ATRNL1: variants seen among roughly 807,000 people sequenced by gnomAD.
ATRNL1 encodes the protein attractin like 1.
A neutral mutation model predicts 182.7 loss-of-function variants in ATRNL1; 95 were observed. The observed-to-expected ratio is 0.52, with a 90% confidence interval of 0.44 to 0.62. The LOEUF is 0.62. ATRNL1 is among the 20% of genes least tolerant of loss of function. The pLI, the probability that ATRNL1 is intolerant of heterozygous loss-of-function variation, is 0.00. For missense variants in ATRNL1, 1,471 were observed against 1,679.5 expected, an observed-to-expected ratio of 0.88 and a Z score of 2.17; for synonymous variants, 576 against 568.3, an observed-to-expected ratio of 1.01 and a Z score of -0.19.
At chr10:115,444,706 T>C (rs1189082708) in intron 21 of ATRNL1, among the ~76,000 whole-genome samples, 3 of 151,836 alleles carry the variant, frequency 2.0e-5, no homozygotes, top group African/African-American at 7.3e-5. Context: ...TACCTGAAAT[T>C]ATTTTATTTT....
intron 26 of ATRNL1, among the ~76,000 whole-genome samples, chr10:115,567,179 T>C (rs1389068446): frequency 8.5e-5 from 13 of 152,162 alleles, no homozygotes; most frequent in African/African-American, 3.1e-4. Flanking sequence ...TAGAATCTTA[T>C]GGTAGCTGTG....
intron 26 of ATRNL1, among the ~76,000 whole-genome samples, chr10:115,630,728 A>G (rs1555026030): frequency 6.8e-6 from 1 of 147,804 alleles, no homozygotes; most frequent in Non-Finnish European, 1.5e-5. Context: ...TATTTAATAG[A>G]TATCATATAT....
At chr10:115,130,075 ATATC>A (rs1750811569) in intron 5 of ATRNL1, among the ~76,000 whole-genome samples, 1 of 152,172 alleles carries the variant, frequency 6.6e-6, no homozygotes, top group African/African-American at 2.4e-5. Flanking sequence ...ATTTTTATAA[ATATC>A]TATCATCAAA....
chr10:115,523,872 A>G (rs1554985892), intron 25 of ATRNL1, among the ~76,000 whole-genome samples: 1 of 152,098 alleles, frequency 6.6e-6, no homozygotes, highest in Admixed American at 6.6e-5. Context: ...CCTGGCACCA[A>G]TTTTCTGTCT....
At chr10:115,669,504 A>G (rs1253419902) in intron 26 of ATRNL1, among the ~76,000 whole-genome samples, 1 of 152,102 alleles carries the variant, frequency 6.6e-6, no homozygotes, top group Admixed American at 6.6e-5. Context: ...CTGACATTCT[A>G]TGTTCAGATT....
At chr10:115,470,631 A>C (rs576743900) in intron 24 of ATRNL1, among the ~76,000 whole-genome samples, 129 of 150,708 alleles carry the variant, frequency 8.6e-4, no homozygotes, top group African/African-American at 3.0e-3. Context: ...AAAATTACAT[A>C]GTTATTTTAG....
intron 28 of ATRNL1, among the ~76,000 whole-genome samples, chr10:115,894,270 C>G (rs1218972144): frequency 6.6e-6 from 1 of 152,214 alleles, no homozygotes; most frequent in Non-Finnish European, 1.5e-5. Flanking sequence ...CAATTAATGA[C>G]TGCAGCCGAA....
At chr10:115,199,394 A>G (rs1592246354) in intron 8 of ATRNL1, among the ~76,000 whole-genome samples, 1 of 151,844 alleles carries the variant, frequency 6.6e-6, no homozygotes, top group Non-Finnish European at 1.5e-5. Flanking sequence ...GTGAAACCCC[A>G]TCTCTACTAA....
intron 27 of ATRNL1, among the ~76,000 whole-genome samples, chr10:115,738,673 G>A (rs538296419): frequency 6.6e-6 from 1 of 152,008 alleles, no homozygotes. Context: ...AACATCGTGA[G>A]TTTCATGATT....
intron 27 of ATRNL1, among the ~76,000 whole-genome samples, chr10:115,797,435 G>T (rs1047631790): frequency 2.0e-5 from 3 of 152,102 alleles, no homozygotes; most frequent in Admixed American, 1.3e-4. Context: ...GGCACCTGAA[G>T]GCTCACCTGG....
chr10:115,388,437 A>C (rs73365415), intron 19 of ATRNL1, among the ~76,000 whole-genome samples: 1,751 of 152,184 alleles, frequency 0.012, 27 homozygotes, highest in African/African-American at 0.04. Flanking sequence ...TTTAATTGAT[A>C]CCAGGTTTGT....
intron 27 of ATRNL1, among the ~76,000 whole-genome samples, chr10:115,807,198 C>T (rs543759470): frequency 1.3e-5 from 2 of 151,680 alleles, no homozygotes; most frequent in East Asian, 3.9e-4. Flanking sequence ...TCACTGCAAA[C>T]TCTGCCTTCT....
At chr10:115,600,053 C>T (rs1176405608) in intron 26 of ATRNL1, among the ~76,000 whole-genome samples, 1 of 152,052 alleles carries the variant, frequency 6.6e-6, no homozygotes, top group Non-Finnish European at 1.5e-5. Flanking sequence ...TTGTCTTTCC[C>T]AGAGTTTCAT....
rs1353341897 is a variant in ATRNL1, at chr10:115,375,018, GT to G, written c.3176-19631del. Among the ~76,000 whole-genome samples, 875 of 145,388 alleles carry G rather than the reference GT, an allele frequency of 6.0e-3. 6 individuals are homozygous for G. Among genetic ancestry groups the G allele is most frequent in the African/African-American group, 0.02 (813 of 39,794 alleles). On this transcript the variant is annotated intron_variant, in intron 19 of 28. Coordinates refer to ENST00000355044, the MANE Select transcript of ATRNL1 (RefSeq NM_207303.4). Reference sequence around the variant, plus strand: ...TAAAGTGTAGGTCAAATCCAATGTTGTTTTTTTTTTAATAGACATTTTATCT... The same window carrying G: ...TAAAGTGTAGGTCAAATCCAATGTTGTTTTTTTTTAATAGACATTTTATCT...
intron 27 of ATRNL1, among the ~76,000 whole-genome samples, chr10:115,814,474 G>A (rs1589543092): frequency 6.6e-6 from 1 of 152,174 alleles, no homozygotes; most frequent in Non-Finnish European, 1.5e-5. Flanking sequence ...GAAAGCAAAA[G>A]TTTAAATTTT....
rs1554910203 is a variant in ATRNL1, at chr10:115,265,267, G to C, written c.1762G>C (p.Val588Leu). The C allele has an allele frequency of 2.5e-6, 4 of 1,599,078 alleles. No individual in the cohort carries two copies. The highest frequency in any genetic ancestry group is 1.7e-5 in the Admixed American group (1 of 58,998). ...DVNRFGHSAV[V>L]INGSMYIFGG... Reference sequence around the variant, plus strand: ...CAACAGATTTGGACACTCTGCAGTAGTCATTAACGGGTAAAAGAAGCACAT... The same window carrying C: ...CAACAGATTTGGACACTCTGCAGTACTCATTAACGGGTAAAAGAAGCACAT... The change falls in exon 11 of 29, where the codon GTC becomes CTC. Residue 588 changes from valine (V) to leucine (L), a missense_variant. Val to Leu is a conservative substitution (Grantham distance 32). Transcript: ENST00000355044.
intron 13 of ATRNL1, 83 bp downstream of exon 13, chr10:115,268,527 A>G (rs1379865375): frequency 9.4e-6 from 9 of 959,554 alleles, no homozygotes; most frequent in African/African-American, 1.6e-5. Context: ...GTAGCACTGT[A>G]GAAAAAAAGC....
At chr10:115,721,569 A>G (rs1315818774) in intron 26 of ATRNL1, among the ~76,000 whole-genome samples, 1 of 152,138 alleles carries the variant, frequency 6.6e-6, no homozygotes, top group African/African-American at 2.4e-5. Context: ...AAGAATCAGA[A>G]GCAGAAACCC....
intron 26 of ATRNL1, among the ~76,000 whole-genome samples, chr10:115,704,810 T>G (rs1401446754): frequency 6.6e-6 from 1 of 151,888 alleles, no homozygotes; most frequent in Non-Finnish European, 1.5e-5. Flanking sequence ...GAAATATTGG[T>G]GTCTTTCCAT....
Sources: gnomAD v4.1 joint callset for allele counts (sites outside exome capture counted in the v4.1 genomes callset) on GRCh38, gnomAD v4.1.1 for gene constraint, MANE v1.5 for transcripts, NCBI Gene and HGNC (gene_info 2026-07-23, HGNC 2026-07-21) for gene names.